Variants in SPEN observed in about 807,000 individuals in gnomAD.
SPEN encodes spen family transcriptional repressor, also known as msx2-interacting protein.
A neutral mutation model predicts 269.9 loss-of-function variants in SPEN; 18 were observed. The ratio of observed to expected loss-of-function variants is 0.07; its 90% confidence interval spans 0.05 to 0.10. The LOEUF is 0.10. Ranked by LOEUF, SPEN falls within the 10% of genes least tolerant of loss-of-function variation. SPEN has a pLI of 1.00. For synonymous variants in SPEN, 1,726 were observed against 1,765.7 expected (o/e 0.98, Z 0.56); for missense variants, 3,822 against 4,631.2 (o/e 0.83, Z 5.07).
Position 15,931,585 on chromosome 1 carries a change from A to T in SPEN, c.5345A>T (p.Asp1782Val), listed in dbSNP as rs927425033. ...PKAEKPDATA[D>V]AEPDANQKAE... ...GCCGAAAAGCCAGACGCCACTGCAG[A>T]TGCTGAGCCTGATGCAAACCAGAAA... The change falls in exon 11 of 15, where the codon GAT (aspartate) becomes GTT (valine). Residue 1782 changes from aspartate to valine, a missense_variant. Physicochemically the swap from Asp to Val is radical, Grantham distance 152. Coordinates refer to ENST00000375759, the MANE Select transcript of SPEN (RefSeq NM_015001.3). The surrounding 1 kb of genome is among the most constrained non-coding windows in gnomAD (Gnocchi z 4.8). 1.2e-6 allele frequency: 2 copies of T among 1,614,166 alleles called. No homozygotes were observed.
At chr1:15,898,523 T>C (rs1460708680) in intron 3 of SPEN, among the ~76,000 whole-genome samples, 3 of 151,818 alleles carry the variant, frequency 2.0e-5, no homozygotes, top group Non-Finnish European at 1.5e-5. Flanking sequence ...TCATTCATGA[T>C]GTAGCATTTG....
rs1263185619 is a variant in SPEN, at chr1:15,930,128, C to G, written c.3888C>G (p.Pro1296=). The change falls in exon 11 of 15, where the codon CCC becomes CCG. Residue 1296 remains proline (P), a synonymous_variant. Transcript: ENST00000375759. The surrounding 1 kb of genome is among the most constrained non-coding windows in gnomAD (Gnocchi z 5.3). Reference sequence around the variant, plus strand: ...CTAAAGTAGATGAAAAAGTCCTCCCCTATTCTAACATAACAGTCAGGGAAG... The same window carrying G: ...CTAAAGTAGATGAAAAAGTCCTCCCGTATTCTAACATAACAGTCAGGGAAG... ...GSPKVDEKVL[P]YSNITVREES... 4 of 1,614,176 alleles carry G rather than the reference C, an allele frequency of 2.5e-6. No homozygotes were observed. Among genetic ancestry groups the G allele is most frequent in the Admixed American group, 3.3e-5 (2 of 60,016 alleles).
At chr1:15,889,029 A>G (rs1340543933) in intron 3 of SPEN, among the ~76,000 whole-genome samples, 1 of 152,100 alleles carries the variant, frequency 6.6e-6, no homozygotes, top group African/African-American at 2.4e-5. Flanking sequence ...GAAGTTCTCT[A>G]TGGTCATTCT....
intron 4 of SPEN, among the ~76,000 whole-genome samples, chr1:15,910,002 T>C (rs568962816): frequency 1.1e-4 from 16 of 151,718 alleles, no homozygotes; most frequent in African/African-American, 3.9e-4. Flanking sequence ...CGGGCGTCTG[T>C]AGTCCCAGCT....
rs372303430 is a variant in SPEN, at chr1:15,935,878, C to A, written c.9638C>A (p.Ala3213Glu). Residue 3213 changes from alanine to glutamate, a missense_variant, in exon 11 of 15, where the codon GCG becomes GAG. By Grantham distance (107) the Ala-to-Glu change is moderately radical. Around this residue, in one of 16 missense-constraint regions of SPEN, gnomAD observed 359 missense variants for 377.3 expected, o/e 0.95. Transcript: ENST00000375759. The surrounding 1 kb of genome is among the most constrained non-coding windows in gnomAD (Gnocchi z 7.7). Reference protein sequence around the residue: ...VTAVSEQPRAADGVVKVPPAS... With the variant: ...VTAVSEQPRAEDGVVKVPPAS... ...GCAGTCAGCGAGCAGCCCAGGGCCG[C>A]GGATGGGGTGGTGAAGGTGCCACCA... 6.2e-7 allele frequency: 1 copy of A among 1,613,474 alleles called. No individual in the cohort carries two copies. Among genetic ancestry groups the A allele is most frequent in the Admixed American group, 1.7e-5 (1 of 60,024 alleles).
chr1:15,912,513 GA>G (rs1344862648), intron 5 of SPEN, among the ~76,000 whole-genome samples: 1 of 151,972 alleles, frequency 6.6e-6, no homozygotes. Context: ...TAATTAAAAA[GA>G]AAAAAATGTA....
At chr1:15,876,851 CGAAGT>C (rs2070636196) in intron 3 of SPEN, 173 bp downstream of exon 3, 1 of 599,496 alleles carries the variant, frequency 1.7e-6, no homozygotes, top group South Asian at 2.2e-5. Context: ...TCTAAGTACT[CGAAGT>C]TAAGTGATGA....
chr1:15,925,809 A>G (rs933892580), intron 10 of SPEN, among the ~76,000 whole-genome samples: 3 of 152,228 alleles, frequency 2.0e-5, no homozygotes, highest in Non-Finnish European at 2.9e-5. Flanking sequence ...TAATATGGGC[A>G]GTAAACTAAT....
chr1:15,932,094 A>C lies in SPEN; in HGVS notation c.5854A>C (p.Arg1952=). Reference sequence around the variant, plus strand: ...GGTTCCCACCACCCCTCGGAGGGGAAGGCCTCCAAAGACACGCCGGCGAGC... The same window carrying C: ...GGTTCCCACCACCCCTCGGAGGGGACGGCCTCCAAAGACACGCCGGCGAGC... ...AAVPTTPRRG[R]PPKTRRRADE... The change falls in exon 11 of 15, where the codon AGG becomes CGG. Residue 1952 remains arginine, a synonymous_variant. Transcript: ENST00000375759. The surrounding 1 kb of genome is among the most constrained non-coding windows in gnomAD (Gnocchi z 4.2). 6.2e-7 allele frequency: 1 copy of C among 1,613,956 alleles called. No homozygotes were observed. The highest frequency in any genetic ancestry group is 8.5e-7 in the Non-Finnish European group (1 of 1,180,010).
intron 10 of SPEN, among the ~76,000 whole-genome samples, chr1:15,924,153 G>A (rs553011512): frequency 2.0e-5 from 3 of 152,318 alleles, no homozygotes; most frequent in Admixed American, 6.5e-5. Flanking sequence ...GTAAGAGAGT[G>A]AAAGTGAGCG....
chr1:15,861,227 G>T (rs574345583), intron 1 of SPEN, among the ~76,000 whole-genome samples: 2 of 150,736 alleles, frequency 1.3e-5, no homozygotes, highest in Admixed American at 1.3e-4. Flanking sequence ...CACCTCCCGG[G>T]TTCAAGCGAT....
At chr1:15,936,491 T>G (rs1204007811) in intron 11 of SPEN, among the ~76,000 whole-genome samples, 2 of 148,730 alleles carry the variant, frequency 1.3e-5, no homozygotes, top group Non-Finnish European at 3.0e-5. Context: ...AAAAAAAAAA[T>G]TACAAAAATT....
chr1:15,935,310 C>T lies in SPEN; in HGVS notation c.9070C>T (p.His3024Tyr), dbSNP rs149677299. The T allele has an allele frequency of 1.9e-6, 3 of 1,614,104 alleles. No individual in the cohort carries two copies. Among genetic ancestry groups the T allele is most frequent in the Non-Finnish European group, 2.5e-6 (3 of 1,180,018 alleles). Residue 3024 changes from histidine (H) to tyrosine (Y), a missense_variant, in exon 11 of 15, where the codon CAT becomes TAT. Around this residue, in one of 16 missense-constraint regions of SPEN, gnomAD observed 94 missense variants for 90.4 expected, o/e 1.04. Transcript: ENST00000375759. This position sits in a 1 kb window ranked among gnomAD's most constrained non-coding sequence, Gnocchi z 7.7. ...TTTGGCAGCTGCAAAGCTAGATGCTCATTCTCCTCGACCAAGTGGACCCGG... is the reference window on the plus strand; with the variant it reads ...TTTGGCAGCTGCAAAGCTAGATGCTTATTCTCCTCGACCAAGTGGACCCGG... Reference protein sequence around the residue: ...SHLAAAKLDAHSPRPSGPGPS... With the variant: ...SHLAAAKLDAYSPRPSGPGPS...
Position 15,847,729 on chromosome 1 carries a change from C to T in SPEN, c.-339C>T, listed in dbSNP as rs2070284808. 5.3e-6 allele frequency: 1 copy of T among 187,172 alleles called. No individual in the cohort carries two copies. Among genetic ancestry groups the T allele is most frequent in the Non-Finnish European group, 1.1e-5 (1 of 89,628 alleles). The allele number at this position is 187,172 out of a possible 1,614,324, so 11.6% of individuals were successfully genotyped here. On this transcript the variant is annotated 5_prime_UTR_variant, in exon 1 of 15. Coordinates refer to ENST00000375759, the MANE Select transcript of SPEN (RefSeq NM_015001.3). Reference sequence around the variant, plus strand: ...GCCAGTGGGAAGCGTCCGGCTGCCACAGCGCCAGCTCCGTCGTAGTCGCTG... The same window carrying T: ...GCCAGTGGGAAGCGTCCGGCTGCCATAGCGCCAGCTCCGTCGTAGTCGCTG...
At chr1:15,857,780 C>T (rs900695193) in intron 1 of SPEN, among the ~76,000 whole-genome samples, 1 of 152,042 alleles carries the variant, frequency 6.6e-6, no homozygotes, top group African/African-American at 2.4e-5. Context: ...CCCACCTTAG[C>T]CTTCTCAGTA....
chr1:15,915,917 A>G (rs1292199456), intron 5 of SPEN, among the ~76,000 whole-genome samples: 1 of 151,874 alleles, frequency 6.6e-6, no homozygotes, highest in Non-Finnish European at 1.5e-5. Flanking sequence ...TTTTTTTTTG[A>G]AACGTTTATT....
intron 5 of SPEN, 60 bp downstream of exon 5, chr1:15,911,361 G>C (rs2071010710): frequency 1.5e-6 from 2 of 1,372,048 alleles, no homozygotes; most frequent in Admixed American, 1.7e-5. Context: ...GTGTTGCAGT[G>C]TATGAGAGGG....
At chr1:15,854,568 A>G (rs1226024969) in intron 1 of SPEN, among the ~76,000 whole-genome samples, 1 of 151,672 alleles carries the variant, frequency 6.6e-6, no homozygotes, top group Non-Finnish European at 1.5e-5. Flanking sequence ...GCTCACCGCG[A>G]CCTCTGCCTC....
intron 3 of SPEN, among the ~76,000 whole-genome samples, chr1:15,884,101 C>A (rs557206938): frequency 6.6e-6 from 1 of 152,054 alleles, no homozygotes; most frequent in Admixed American, 6.6e-5. Flanking sequence ...TGAGCCACAG[C>A]GCTCGGCTTG....
Sources: allele counts gnomAD v4.1 joint callset (sites outside exome capture counted in the v4.1 genomes callset), GRCh38; gene constraint gnomAD v4.1.1; regional missense constraint gnomAD v4.1.1; non-coding constraint Gnocchi (gnomAD v3.1); transcripts MANE v1.5; gene names NCBI Gene and HGNC (gene_info 2026-07-23, HGNC 2026-07-21).